MYO9A: variants seen among roughly 807,000 people sequenced by gnomAD.
MYO9A encodes the protein unconventional myosin-IXa.
Under a neutral mutation model 293.3 loss-of-function variants are expected in MYO9A, and 103 were observed. The observed-to-expected ratio is 0.35, with a 90% CI of 0.30 to 0.41. MYO9A has a LOEUF of 0.41. Among genes scored for constraint, MYO9A ranks in the 10% least tolerant of loss-of-function variants. MYO9A has a pLI of 1.00. For missense variants in MYO9A, 2,685 were observed against 3,033.0 expected (o/e 0.89, Z 2.69); for synonymous variants, 1,001 against 1,035.7 (o/e 0.97, Z 0.64).
At chr15:71,915,758 T>C (rs2057991992) in intron 19 of MYO9A, among the ~76,000 whole-genome samples, 1 of 152,172 alleles carries the variant, frequency 6.6e-6, no homozygotes, top group Non-Finnish European at 1.5e-5. Flanking sequence ...AAGCATTTGT[T>C]ACCTACCAGA....
At chr15:72,031,598 G>A (rs904222042) in intron 3 of MYO9A, among the ~76,000 whole-genome samples, 4 of 152,126 alleles carry the variant, frequency 2.6e-5, no homozygotes, top group Non-Finnish European at 5.9e-5. Context: ...AACTATCTTT[G>A]GGTAACTGAA....
intron 15 of MYO9A, among the ~76,000 whole-genome samples, chr15:71,948,777 A>C (rs1169408018): frequency 6.6e-6 from 1 of 152,164 alleles, no homozygotes; most frequent in Non-Finnish European, 1.5e-5. Context: ...AATGTATTTC[A>C]CCTTCATTTT....
chr15:71,966,943 GT>G (rs200672814), intron 13 of MYO9A, among the ~76,000 whole-genome samples: 1,846 of 152,146 alleles, frequency 0.012, 57 homozygotes, highest in Admixed American at 0.057. Flanking sequence ...TTCATTTCAT[GT>G]TACTCTCCTT....
intron 1 of MYO9A, among the ~76,000 whole-genome samples, chr15:72,101,084 G>A (rs1651879375): frequency 1.4e-5 from 2 of 141,910 alleles, no homozygotes; most frequent in South Asian, 2.3e-4. Flanking sequence ...TCAGCCCCCC[G>A]CCAGGCCAGC....
At chr15:71,955,662 T>C (rs972251902) in intron 14 of MYO9A, among the ~76,000 whole-genome samples, 1 of 152,256 alleles carries the variant, frequency 6.6e-6, no homozygotes, top group Admixed American at 6.5e-5. Flanking sequence ...CTTTTTTATA[T>C]GTTTGTAACA....
rs374190451 is a variant in MYO9A, at chr15:71,857,102, T to G, written c.6154-2533A>C. Among the ~76,000 whole-genome samples, 118 of 152,294 alleles carry G rather than the reference T, an allele frequency of 7.7e-4. 1 individual carries two copies. In the South Asian group the frequency reaches 0.024, roughly 31 times the overall value. ...TCTGTTTATTTAAATCCCTATGGCA[T>G]TAGAAATGTTATGACTTGTGGAAGC... On this transcript the variant is annotated intron_variant, in intron 34 of 41. Coordinates refer to ENST00000356056, the MANE Select transcript of MYO9A (RefSeq NM_006901.4).
intron 4 of MYO9A, among the ~76,000 whole-genome samples, chr15:72,026,178 CA>C (rs1305253622): frequency 1.4e-5 from 2 of 145,240 alleles, no homozygotes; most frequent in Middle Eastern, 6.7e-3. Flanking sequence ...GAGGCTGAGG[CA>C]GGAGAATGGC....
intron 18 of MYO9A, among the ~76,000 whole-genome samples, chr15:71,931,773 C>T (rs954917831): frequency 2.0e-5 from 3 of 152,138 alleles, no homozygotes; most frequent in Admixed American, 6.5e-5. Context: ...TTTGCCTTTA[C>T]CCTCTGTGTT....
At chr15:71,970,397 A>G (rs2075979003) in intron 12 of MYO9A, among the ~76,000 whole-genome samples, 1 of 152,220 alleles carries the variant, frequency 6.6e-6, no homozygotes, top group African/African-American at 2.4e-5. Flanking sequence ...AGAGCACTAC[A>G]AACACACTGC....
At chr15:71,982,376 T>C (rs986506785) in intron 11 of MYO9A, among the ~76,000 whole-genome samples, 2 of 152,162 alleles carry the variant, frequency 1.3e-5, no homozygotes, top group African/African-American at 4.8e-5. Flanking sequence ...TTTTAGTTAC[T>C]GATTTCAGGT....
chr15:71,861,803 A>T, intron 33 of MYO9A, among the ~76,000 whole-genome samples: 1 of 152,184 alleles, frequency 6.6e-6, no homozygotes, highest in East Asian at 1.9e-4. Flanking sequence ...TAAGTTCTAT[A>T]AAGACTATTA....
At chr15:72,028,540 G>A (rs1302372261) in intron 3 of MYO9A, among the ~76,000 whole-genome samples, 2 of 151,522 alleles carry the variant, frequency 1.3e-5, no homozygotes, top group Admixed American at 6.6e-5. Flanking sequence ...CCAGCTACTC[G>A]GAAGGCTAAG....
At chr15:72,061,913 C>A (rs535215485) in intron 1 of MYO9A, among the ~76,000 whole-genome samples, 54 of 152,342 alleles carry the variant, frequency 3.5e-4, no homozygotes, top group Non-Finnish European at 7.1e-4. Context: ...GACTTCAGGT[C>A]TGACCCAGCA....
At chr15:71,999,998 C>A in intron 8 of MYO9A, 58 bp from the exon 9 acceptor site, 1 of 1,450,054 alleles carries the variant, frequency 6.9e-7, no homozygotes. Flanking sequence ...GTTGAATTAT[C>A]TTTTGAAAAA....
rs561899775 is a variant in MYO9A at position 71,855,928 on chromosome 15, C to A, written c.6154-1359G>T. On this transcript the variant is annotated intron_variant, in intron 34 of 41. Transcript: ENST00000356056. ...ACTCAAGAACTTACTTGAACTGATT[C>A]TAATTTCTACTTTCCAGCCTTACAT... Among the ~76,000 whole-genome samples, 4 of 152,288 alleles carry A rather than the reference C, an allele frequency of 2.6e-5. No homozygotes were observed. In the South Asian group the frequency reaches 8.3e-4, roughly 32 times the overall value.
At chr15:72,109,017 C>T (rs984114868) in intron 1 of MYO9A, among the ~76,000 whole-genome samples, 5 of 152,152 alleles carry the variant, frequency 3.3e-5, no homozygotes. Context: ...CCTGCCTCGG[C>T]TTTCCAAAGT....
chr15:71,898,274 T>C lies in MYO9A; in HGVS notation c.4229A>G (p.Asp1410Gly), dbSNP rs111651191. ...ESITCKPQLK[D>G]SFISNSLPTF... Reference sequence around the variant, plus strand: ...AGGTAGACTATTTGAAATGAAGGAGTCTTTCAGCTGTGGTTTACAGGTAAT... The same window carrying C: ...AGGTAGACTATTTGAAATGAAGGAGCCTTTCAGCTGTGGTTTACAGGTAAT... Residue 1410 changes from aspartate to glycine, a missense_variant, in exon 25 of 42, where the codon GAC becomes GGC. Physicochemically the swap from Asp to Gly is moderately conservative, Grantham distance 94. Coordinates refer to ENST00000356056, the MANE Select transcript of MYO9A (RefSeq NM_006901.4). 1.2e-6 allele frequency: 2 copies of C among 1,613,818 alleles called. No individual in the cohort carries two copies. Among genetic ancestry groups the C allele is most frequent in the South Asian group, 2.2e-5 (2 of 91,066 alleles).
chr15:71,956,589 T>C (rs1018437512), intron 14 of MYO9A, among the ~76,000 whole-genome samples: 2 of 150,014 alleles, frequency 1.3e-5, no homozygotes, highest in Admixed American at 6.6e-5. Flanking sequence ...AAGGTTGCAG[T>C]GAGCCAAGAT....
chr15:72,068,184 C>G (rs1323392368), intron 1 of MYO9A, among the ~76,000 whole-genome samples: 1 of 152,092 alleles, frequency 6.6e-6, no homozygotes, highest in Non-Finnish European at 1.5e-5. Flanking sequence ...CTTCCATTCT[C>G]TACATAAAGA....
Sources: gnomAD v4.1 joint callset for allele counts (sites outside exome capture counted in the v4.1 genomes callset) on GRCh38, gnomAD v4.1.1 for gene constraint, MANE v1.5 for transcripts, NCBI Gene and HGNC (gene_info 2026-07-23, HGNC 2026-07-21) for gene names.